The following PPP6C variants were observed in gnomAD, a reference collection of about 807,000 sequenced individuals.
The protein encoded by PPP6C is serine/threonine-protein phosphatase 6 catalytic subunit.
In PPP6C, 11 loss-of-function variants were observed where a neutral mutation model predicts 39.8. The ratio of observed to expected loss-of-function variants is 0.28; its 90% CI spans 0.17 to 0.46. PPP6C has a LOEUF of 0.46. Among genes scored for constraint, PPP6C ranks in the 20% least tolerant of loss-of-function variants. The pLI, the probability that PPP6C is intolerant of heterozygous loss-of-function variation, is 1.00. For missense variants in PPP6C, 211 were observed against 373.9 expected, an observed-to-expected ratio of 0.56 and a Z score of 3.59; for synonymous variants, 129 against 130.3, an observed-to-expected ratio of 0.99 and a Z score of 0.07.
chr9:125,166,536 T>A (rs1163018716), intron 2 of PPP6C, among the ~76,000 whole-genome samples: 1 of 39,244 alleles, frequency 2.5e-5, no homozygotes, highest in Admixed American at 2.1e-4. Context: ...TTTCTTTTTC[T>A]TTTTTTTTTT....
chr9:125,184,484 G>A (rs1251897668), intron 1 of PPP6C, among the ~76,000 whole-genome samples: 1 of 151,648 alleles, frequency 6.6e-6, no homozygotes, highest in African/African-American at 2.4e-5. Flanking sequence ...TTGAGCCCAG[G>A]AGTTTGAGGT....
At chr9:125,157,729 T>C (rs559744440) in intron 4 of PPP6C, among the ~76,000 whole-genome samples, 1 of 149,236 alleles carries the variant, frequency 6.7e-6, no homozygotes, top group African/African-American at 2.5e-5. Context: ...TCTCCCTATG[T>C]CGCCAGGCTG....
chr9:125,170,239 T>C (rs970827419), intron 2 of PPP6C, among the ~76,000 whole-genome samples: 1 of 151,318 alleles, frequency 6.6e-6, no homozygotes, highest in Admixed American at 6.7e-5. Context: ...TGCTTTGAAA[T>C]TCTTTTTTTT....
At chr9:125,182,426 G>C (rs1226307496) in intron 1 of PPP6C, among the ~76,000 whole-genome samples, 1 of 152,100 alleles carries the variant, frequency 6.6e-6, no homozygotes, top group Admixed American at 6.6e-5. Flanking sequence ...AAGATGGCTG[G>C]AGGCCCAGAG....
In PPP6C at chr9:125,189,634, T is replaced by G; in HGVS notation, c.75+10A>C. ...CAGCCGGAAGGGGCGAGCCCGCAAA[T>G]AGGGCTCACCTTCAGGTCGTTCTCT... On this transcript the variant is annotated intron_variant, in intron 1 of 6. Transcript: ENST00000373547. 1 of 1,612,632 alleles carries G rather than the reference T, an allele frequency of 6.2e-7. No homozygotes were observed. Among genetic ancestry groups the G allele is most frequent in the Non-Finnish European group, 8.5e-7 (1 of 1,179,530 alleles).
At chr9:125,154,799 C>T (rs1329704819) in intron 4 of PPP6C, among the ~76,000 whole-genome samples, 4 of 152,184 alleles carry the variant, frequency 2.6e-5, no homozygotes, top group Non-Finnish European at 4.4e-5. Flanking sequence ...GCAAATCGTG[C>T]GACTAAACAC....
chr9:125,160,843 T>G lies in PPP6C; in HGVS notation c.235A>C (p.Met79Leu). 1 of 1,578,996 alleles carries G rather than the reference T, an allele frequency of 6.3e-7. No homozygotes were observed. Among genetic ancestry groups the G allele is most frequent in the Non-Finnish European group, 8.6e-7 (1 of 1,162,110 alleles). The change falls in exon 3 of 7, where the codon ATG becomes CTG. Residue 79 changes from methionine to leucine, a missense_variant and splice_region_variant. By Grantham distance (15) the Met-to-Leu change is conservative. Coordinates refer to ENST00000373547, the MANE Select transcript of PPP6C (RefSeq NM_002721.5). ...TGATATCACTGGTGTTTACATACCA[T>G]AAATATGTAGTTTGTGTCAGGAACC... ...GQVPDTNYIF[M>L]GDFVDRGYYS...
rs572409723 is a variant in PPP6C at position 125,182,118 on chromosome 9, C to G, written c.75+7526G>C. Among the ~76,000 whole-genome samples the G allele has an allele frequency of 6.6e-5, 10 of 152,294 alleles. No individual in the cohort carries two copies. In the South Asian group the frequency reaches 1.9e-3, roughly 28 times the overall value. On this transcript the variant is annotated intron_variant, in intron 1 of 6. Coordinates refer to ENST00000373547, the MANE Select transcript of PPP6C (RefSeq NM_002721.5). ...TCCTTGAACAGGAAGGGGTTCATAG[C>G]CATCATTCTTAGCAGACCTCTATGT...
At position 125,162,660 on chromosome 9, in the gene PPP6C, C is replaced by A. The variant is rs576123196; in HGVS notation, c.172-1754G>T. On this transcript the variant is annotated intron_variant, in intron 2 of 6. Transcript: ENST00000373547. ...CATGGTGGGCACCTGTAATCAATCC[C>A]TGCTACTCGGGAGGCTGAGGCAGGA... 5.3e-5 allele frequency among the ~76,000 whole-genome samples: 8 copies of A among 150,298 alleles called. No homozygotes were observed. In the South Asian group the frequency reaches 1.5e-3, roughly 28 times the overall value.
intron 2 of PPP6C, among the ~76,000 whole-genome samples, chr9:125,162,834 T>G (rs1828916570): frequency 6.6e-6 from 1 of 150,896 alleles, no homozygotes; most frequent in Admixed American, 6.6e-5. Flanking sequence ...TCCCAGCACT[T>G]TGGGAGGCCG....
intron 6 of PPP6C, chr9:125,150,616 T>A (rs1835911576): frequency 1.1e-6 from 1 of 901,458 alleles, no homozygotes. Context: ...CAGTGATCAC[T>A]TAGTGAAGAG....
Position 125,149,629 on chromosome 9 carries a change from T to C in PPP6C, c.*44A>G. The C allele has an allele frequency of 6.3e-7, 1 of 1,593,846 alleles. No homozygotes were observed. Among genetic ancestry groups the C allele is most frequent in the East Asian group, 2.2e-5 (1 of 44,624 alleles). On this transcript the variant is annotated 3_prime_UTR_variant, in exon 7 of 7. Transcript: ENST00000373547. ...AGAGGGTAATACAAGAAAATTGGGG[T>C]AAGAAGAGGGCAGAAAAATGGGTCA...
At chr9:125,188,161 G>A (rs964454337) in intron 1 of PPP6C, among the ~76,000 whole-genome samples, 30 of 152,068 alleles carry the variant, frequency 2.0e-4, no homozygotes, top group African/African-American at 6.3e-4. Context: ...CGAGGCGGGC[G>A]GATCACGAGT....
At chr9:125,182,963 T>C (rs191409028) in intron 1 of PPP6C, among the ~76,000 whole-genome samples, 70 of 152,160 alleles carry the variant, frequency 4.6e-4, no homozygotes. Context: ...GTAACATAAG[T>C]ATCCAAGAGT....
chr9:125,167,389 A>AAAAAAAAAAAAAAG (rs1554722081), intron 2 of PPP6C, among the ~76,000 whole-genome samples: 1 of 138,056 alleles, frequency 7.2e-6, no homozygotes, highest in African/African-American at 2.7e-5. Context: ...CAAAAAAAAA[A>AAAAAAAAAAAAAAG]AAAAAAAAAA....
chr9:125,172,036 T>C (rs1829182238), intron 1 of PPP6C: 2 of 454,718 alleles, frequency 4.4e-6, no homozygotes, highest in Admixed American at 2.4e-5. Context: ...AATGAGTGAA[T>C]GGTTAAACAC....
At position 125,171,556 on chromosome 9, in the gene PPP6C, T is replaced by C. The variant is rs577183382; in HGVS notation, c.76-376A>G. Reference sequence around the variant, plus strand: ...AACAGTAAAAGGTTTTTGGGTTTTTTTGTTTTTTTTTTTTTTAAACGGAGT... The same window carrying C: ...AACAGTAAAAGGTTTTTGGGTTTTTCTGTTTTTTTTTTTTTTAAACGGAGT... On this transcript the variant is annotated intron_variant, in intron 1 of 6. Coordinates refer to ENST00000373547, the MANE Select transcript of PPP6C (RefSeq NM_002721.5). 2.3e-4 allele frequency among the ~76,000 whole-genome samples: 34 copies of C among 146,012 alleles called. 1 individual carries two copies. Among genetic ancestry groups the C allele is most frequent in the Non-Finnish European group, 4.2e-4 (28 of 66,660 alleles).
At chr9:125,158,116 AG>A in intron 4 of PPP6C, 124 bp downstream of exon 4, 4 of 936,150 alleles carry the variant, frequency 4.3e-6, no homozygotes, top group Non-Finnish European at 4.8e-6. Flanking sequence ...ATTGTTTGGG[AG>A]GAGTGAAGGA....
At chr9:125,164,073 G>C (rs1402986077) in intron 2 of PPP6C, among the ~76,000 whole-genome samples, 1 of 151,886 alleles carries the variant, frequency 6.6e-6, no homozygotes, top group Non-Finnish European at 1.5e-5. Context: ...CCTGACCTCA[G>C]GTGATCCACC....
Sources: gnomAD v4.1 joint callset for allele counts (sites outside exome capture counted in the v4.1 genomes callset) on GRCh38, gnomAD v4.1.1 for gene constraint, MANE v1.5 for transcripts, NCBI Gene and HGNC (gene_info 2026-07-23, HGNC 2026-07-21) for gene names.